The following ZBTB20 variants were observed in gnomAD, a reference collection of about 807,000 sequenced individuals.
ZBTB20 encodes zinc finger and BTB domain-containing protein 20.
ZBTB20 carries 9 observed loss-of-function variants against 56.9 expected under a neutral mutation model. The observed-to-expected ratio is 0.16, with a 90% CI of 0.10 to 0.28. ZBTB20 has a LOEUF of 0.28. Among genes scored for constraint, ZBTB20 ranks in the 10% least tolerant of loss-of-function variants. ZBTB20 has a pLI of 1.00. For synonymous variants in ZBTB20, 417 were observed against 420.7 expected (o/e 0.99, Z 0.11); for missense variants, 655 against 1,003.0 (o/e 0.65, Z 4.69).
intron 4 of ZBTB20, among the ~76,000 whole-genome samples, chr3:114,804,637 CTTT>C (rs888908267): frequency 2.6e-5 from 4 of 151,740 alleles, no homozygotes; most frequent in Non-Finnish European, 5.9e-5. Flanking sequence ...TATTTAAAAA[CTTT>C]TTATTATAAA....
intron 2 of ZBTB20, among the ~76,000 whole-genome samples, chr3:115,062,820 G>A (rs1296389677): frequency 6.6e-6 from 1 of 152,108 alleles, no homozygotes; most frequent in African/African-American, 2.4e-5. Context: ...AACATTCCAT[G>A]AGAATAGATG....
At chr3:114,532,493 T>G (rs189642782) in intron 6 of ZBTB20, among the ~76,000 whole-genome samples, 4 of 152,166 alleles carry the variant, frequency 2.6e-5, no homozygotes, top group African/African-American at 9.7e-5. Flanking sequence ...CCCAGTCAGG[T>G]GCTTATAGAT....
intron 11 of ZBTB20, among the ~76,000 whole-genome samples, chr3:114,344,849 C>A (rs186620018): frequency 1.3e-5 from 2 of 152,170 alleles, no homozygotes; most frequent in African/African-American, 4.8e-5. Flanking sequence ...GCTGAAATAG[C>A]TGAACTTCTC....
chr3:114,872,194 C>T (rs558361530), intron 4 of ZBTB20, among the ~76,000 whole-genome samples: 1 of 152,042 alleles, frequency 6.6e-6, no homozygotes, highest in Non-Finnish European at 1.5e-5. Context: ...ATTCTTTCTT[C>T]TTGCTAGATT....
intron 2 of ZBTB20, among the ~76,000 whole-genome samples, chr3:114,980,387 C>A (rs1329419037): frequency 6.6e-6 from 1 of 150,598 alleles, no homozygotes; most frequent in South Asian, 2.1e-4. Context: ...TATATCCTTT[C>A]TAAGGGTCCA....
intron 6 of ZBTB20, among the ~76,000 whole-genome samples, chr3:114,593,956 TAGTCAAGGCTAA>T (rs1480189798): frequency 3.9e-5 from 6 of 152,170 alleles, no homozygotes; most frequent in Non-Finnish European, 7.3e-5. Flanking sequence ...TTAGTAGGAG[TAGTCAAGGCTAA>T]AGTCAATACA....
At chr3:114,393,943 T>C (rs546468963) in intron 7 of ZBTB20, among the ~76,000 whole-genome samples, 1 of 152,334 alleles carries the variant, frequency 6.6e-6, no homozygotes, top group Middle Eastern at 3.4e-3. Flanking sequence ...AGAGCTGTTA[T>C]GAAATACACT....
At chr3:114,653,801 C>A (rs1381351986) in intron 6 of ZBTB20, among the ~76,000 whole-genome samples, 1 of 151,824 alleles carries the variant, frequency 6.6e-6, no homozygotes, top group Non-Finnish European at 1.5e-5. Context: ...TTTCTTTAAT[C>A]AATAAAGGAA....
chr3:114,939,008 T>C (rs2076643199), intron 3 of ZBTB20, among the ~76,000 whole-genome samples: 1 of 145,152 alleles, frequency 6.9e-6, no homozygotes, highest in Non-Finnish European at 1.5e-5. Context: ...CTGGTATTCC[T>C]GACATGTTCA....
chr3:114,869,642 A>G (rs922949600), intron 4 of ZBTB20, among the ~76,000 whole-genome samples: 8 of 152,172 alleles, frequency 5.3e-5, no homozygotes, highest in Admixed American at 4.6e-4. Context: ...ATTTTCATCA[A>G]AAAACAAGCC....
chr3:114,795,560 C>A (rs944371547), intron 5 of ZBTB20, among the ~76,000 whole-genome samples: 1 of 151,992 alleles, frequency 6.6e-6, no homozygotes, highest in African/African-American at 2.4e-5. Context: ...CCGTTCTCTA[C>A]CCCAAATTCT....
chr3:114,740,174 G>A (rs1439793598), intron 5 of ZBTB20, among the ~76,000 whole-genome samples: 1 of 152,110 alleles, frequency 6.6e-6, no homozygotes, highest in East Asian at 1.9e-4. Context: ...AAATATAACT[G>A]TTGCCATGCC....
chr3:115,078,663 G>A lies in ZBTB20; in HGVS notation c.-702-7249C>T, dbSNP rs568794289. On this transcript the variant is annotated intron_variant, in intron 1 of 11. Transcript: ENST00000675478. Reference sequence around the variant, plus strand: ...TATGAAGAGTGAGAGAGAGAGTGGGGTAGATGATATGGGGGTTGAGGTAGT... The same window carrying A: ...TATGAAGAGTGAGAGAGAGAGTGGGATAGATGATATGGGGGTTGAGGTAGT... Among the ~76,000 whole-genome samples, 3 of 148,426 alleles carry A rather than the reference G, an allele frequency of 2.0e-5. No homozygotes were observed. In the South Asian group the frequency reaches 6.4e-4, roughly 32 times the overall value.
chr3:114,340,842 G>C (rs2079705880), intron 11 of ZBTB20, among the ~76,000 whole-genome samples: 1 of 152,162 alleles, frequency 6.6e-6, no homozygotes, highest in Non-Finnish European at 1.5e-5. Context: ...TTTAAAATTT[G>C]AGCTAACTTC....
At chr3:114,974,296 C>G (rs1360508881) in intron 3 of ZBTB20, 70 bp downstream of exon 3, 2 of 151,766 alleles carry the variant, frequency 1.3e-5, no homozygotes, top group Non-Finnish European at 2.9e-5. Context: ...GTAGCAAATC[C>G]AAGACCTTAA....
At chr3:114,512,388 A>T (rs1465458171) in intron 6 of ZBTB20, among the ~76,000 whole-genome samples, 3 of 152,130 alleles carry the variant, frequency 2.0e-5, no homozygotes, top group South Asian at 2.1e-4. Flanking sequence ...TTACTCTGCC[A>T]ACTGGATTCT....
At position 114,335,213 on chromosome 3, in the gene ZBTB20, C is replaced by G. The variant is rs1381203633; in HGVS notation, c.*3792G>C. ...AATGTCCTTTCCATACTATTTCTCT[C>G]TTCCTTGTACTCATCCTAAGAAGTC... On this transcript the variant is annotated 3_prime_UTR_variant, in exon 12 of 12. Transcript: ENST00000675478. 1.3e-5 allele frequency: 2 copies of G among 152,102 alleles called. No individual in the cohort carries two copies. Among genetic ancestry groups the G allele is most frequent in the African/African-American group, 4.8e-5 (2 of 41,408 alleles). The allele number at this position is 152,102 out of a possible 1,614,324, so 9.4% of individuals were successfully genotyped here. A position where few individuals can be genotyped will look rare whatever the true frequency, so the allele number is the denominator to read the frequency against.
intron 5 of ZBTB20, among the ~76,000 whole-genome samples, chr3:114,787,368 T>TATATATATATATACACATACAC (rs1433434685): frequency 9.4e-6 from 1 of 106,332 alleles, no homozygotes; most frequent in African/African-American, 4.5e-5. Flanking sequence ...TATATATATA[T>TATATATATATATACACATACAC]ACACACACAC....
At chr3:114,465,035 G>A (rs368990707) in intron 7 of ZBTB20, among the ~76,000 whole-genome samples, 15 of 151,334 alleles carry the variant, frequency 9.9e-5, no homozygotes, top group African/African-American at 3.6e-4. Flanking sequence ...AAGTGGAAAG[G>A]ACTGTTTTGT....
Sources: allele counts gnomAD v4.1 joint callset (sites outside exome capture counted in the v4.1 genomes callset), GRCh38; gene constraint gnomAD v4.1.1; transcripts MANE v1.5; gene names NCBI Gene and HGNC (gene_info 2026-07-23, HGNC 2026-07-21).